Variants in LRFN5 observed in about 807,000 individuals in gnomAD.
The protein encoded by LRFN5 is leucine rich repeat and fibronectin type III domain containing 5, also known as leucine-rich repeat and fibronectin type-III domain-containing protein 5.
LRFN5 carries 24 observed loss-of-function variants against 45.6 expected under a neutral mutation model. That is an observed-to-expected ratio of 0.53 (90% CI 0.38 to 0.74). The LOEUF is 0.74. Among genes scored for constraint, LRFN5 ranks in the 30% least tolerant of loss-of-function variants. The pLI, the probability that LRFN5 is intolerant of heterozygous loss-of-function variation, is 0.00. For synonymous variants in LRFN5, 340 were observed against 313.8 expected, an observed-to-expected ratio of 1.08 and a Z score of -0.88; for missense variants, 776 against 861.5, an observed-to-expected ratio of 0.90 and a Z score of 1.24.
intron 1 of LRFN5, among the ~76,000 whole-genome samples, chr14:41,754,371 T>G: frequency 6.6e-6 from 1 of 152,170 alleles, no homozygotes; most frequent in Admixed American, 6.5e-5. Flanking sequence ...CTGGTAGAAT[T>G]CGGCTGTGAA....
intron 1 of LRFN5, among the ~76,000 whole-genome samples, chr14:41,758,730 C>G (rs12434840): frequency 0.23 from 34,836 of 152,076 alleles, 4,976 homozygotes; most frequent in East Asian, 0.73. Flanking sequence ...TTATACATGA[C>G]TGTTTATAAT....
intron 1 of LRFN5, among the ~76,000 whole-genome samples, chr14:41,620,157 C>T (rs576100427): frequency 6.6e-6 from 1 of 151,948 alleles, no homozygotes; most frequent in Admixed American, 6.6e-5. Context: ...CTTATAAAAC[C>T]ATATCAAGGC....
intron 1 of LRFN5, among the ~76,000 whole-genome samples, chr14:41,703,443 T>G (rs1381829134): frequency 6.6e-6 from 1 of 151,956 alleles, no homozygotes; most frequent in Admixed American, 6.6e-5. Context: ...GCATTAATTA[T>G]TCCATTCTGA....
chr14:41,669,296 GA>G (rs958499233), intron 1 of LRFN5, among the ~76,000 whole-genome samples: 20 of 144,120 alleles, frequency 1.4e-4, no homozygotes, highest in East Asian at 4.0e-4. Context: ...AATCTGTCCA[GA>G]AAAAAAAAAT....
intron 2 of LRFN5, among the ~76,000 whole-genome samples, chr14:41,834,017 G>C (rs780559785): frequency 2.6e-5 from 4 of 152,100 alleles, no homozygotes; most frequent in Non-Finnish European, 5.9e-5. Context: ...TTAGTGCAGT[G>C]GTGTCCTGCT....
chr14:41,818,428 A>G (rs1185168296), intron 2 of LRFN5, among the ~76,000 whole-genome samples: 1 of 152,092 alleles, frequency 6.6e-6, no homozygotes, highest in Non-Finnish European at 1.5e-5. Context: ...ACCATTAACC[A>G]AACTTTATTT....
At chr14:41,734,298 A>C (rs1884312249) in intron 1 of LRFN5, among the ~76,000 whole-genome samples, 1 of 118,616 alleles carries the variant, frequency 8.4e-6, no homozygotes, top group African/African-American at 2.9e-5. Context: ...GGCGTGAGCC[A>C]CCTTTCCTGG....
rs745749776 is a variant in LRFN5 at position 41,887,206 on chromosome 14, T to C, written c.581T>C (p.Leu194Ser). 1 of 1,614,172 alleles carries C rather than the reference T, an allele frequency of 6.2e-7. No homozygotes were observed. Among genetic ancestry groups the C allele is most frequent in the South Asian group, 1.1e-5 (1 of 91,076 alleles). The change falls in exon 3 of 6, where the codon TTG becomes TCG. Residue 194 changes from leucine to serine, a missense_variant. Coordinates refer to ENST00000298119, the MANE Select transcript of LRFN5 (RefSeq NM_152447.5). This position sits in a 1 kb window ranked among gnomAD's most constrained non-coding sequence, Gnocchi z 4.8. ...DNIPKGTFSHLHKMTRLDVTS... is the reference protein window; with the variant it reads ...DNIPKGTFSHSHKMTRLDVTS... ...ATTCCTAAGGGGACCTTCTCCCATTTGCACAAGATGACTCGGTTAGATGTG... is the reference window on the plus strand; with the variant it reads ...ATTCCTAAGGGGACCTTCTCCCATTCGCACAAGATGACTCGGTTAGATGTG...
Position 41,904,246 on chromosome 14 carries a change from T to C in LRFN5, c.*71T>C, listed in dbSNP as rs550625252. On this transcript the variant is annotated 3_prime_UTR_variant, in exon 6 of 6. Transcript: ENST00000298119. ...ATTTTTACTGGATAAAATTCAAAAA[T>C]GTTTCAATTCACAAAGGCTAATTGT... is the stretch of plus-strand genomic sequence containing the variant. 6.7e-5 allele frequency: 105 copies of C among 1,561,752 alleles called. No homozygotes were observed. The South Asian group carries it at 1.1e-3, about 17-fold the overall frequency.
chr14:41,832,602 A>G (rs761754281), intron 2 of LRFN5, among the ~76,000 whole-genome samples: 13 of 152,120 alleles, frequency 8.5e-5, no homozygotes, highest in Non-Finnish European at 1.3e-4. Context: ...CCTTTGCACA[A>G]CATGACTCCT....
intron 2 of LRFN5, among the ~76,000 whole-genome samples, chr14:41,874,974 A>C (rs906017044): frequency 4.6e-5 from 7 of 152,042 alleles, no homozygotes; most frequent in Admixed American, 3.3e-4. Flanking sequence ...GAGGGTAACC[A>C]CCCCTATGAT....
At chr14:41,853,883 A>G (rs1278587974) in intron 2 of LRFN5, among the ~76,000 whole-genome samples, 1 of 152,124 alleles carries the variant, frequency 6.6e-6, no homozygotes, top group East Asian at 1.9e-4. Flanking sequence ...AACAGCAGTC[A>G]TAGCAACAAC....
chr14:41,817,598 G>T (rs1887966303), intron 2 of LRFN5, among the ~76,000 whole-genome samples: 1 of 152,112 alleles, frequency 6.6e-6, no homozygotes, highest in African/African-American at 2.4e-5. Flanking sequence ...AGACTCTGAT[G>T]AAACTTAGAG....
chr14:41,697,079 T>C (rs1378087961), intron 1 of LRFN5, among the ~76,000 whole-genome samples: 1 of 152,004 alleles, frequency 6.6e-6, no homozygotes, highest in Non-Finnish European at 1.5e-5. Context: ...ATGAGAGTTA[T>C]GATAACCTCC....
intron 1 of LRFN5, among the ~76,000 whole-genome samples, chr14:41,657,716 T>C (rs1050683431): frequency 6.6e-6 from 1 of 151,998 alleles, no homozygotes; most frequent in Admixed American, 6.6e-5. Flanking sequence ...ATACCCATAG[T>C]CATTTTTAAA....
At chr14:41,899,411 T>C (rs1208375077) in intron 5 of LRFN5, among the ~76,000 whole-genome samples, 10 of 152,182 alleles carry the variant, frequency 6.6e-5, no homozygotes, top group African/African-American at 2.4e-4. Context: ...CACTGTTATC[T>C]AAAATGAATG....
intron 1 of LRFN5, among the ~76,000 whole-genome samples, chr14:41,690,224 G>A (rs962902777): frequency 2.0e-5 from 3 of 152,110 alleles, no homozygotes; most frequent in Admixed American, 1.3e-4. Flanking sequence ...GAAAAAAAAG[G>A]CCATCTCAAT....
intron 1 of LRFN5, among the ~76,000 whole-genome samples, chr14:41,633,343 A>G (rs986683221): frequency 4.6e-5 from 7 of 152,150 alleles, no homozygotes; most frequent in African/African-American, 7.2e-5. Flanking sequence ...TAATTCTTCA[A>G]TTTTGTGACT....
At position 41,681,796 on chromosome 14, in the gene LRFN5, TTTTA is replaced by T. The variant is rs34192648; in HGVS notation, c.-197+73262_-197+73265del. On this transcript the variant is annotated intron_variant, in intron 1 of 5. Coordinates refer to ENST00000298119, the MANE Select transcript of LRFN5 (RefSeq NM_152447.5). ...TAAACTACTCTTTTATTTTATTTTA[TTTTA>T]TTTATTTATTTATTTATTTATTTAT... 7.3e-3 allele frequency among the ~76,000 whole-genome samples: 720 copies of T among 98,900 alleles called. 1 individual carries two copies. The highest frequency in any genetic ancestry group is 0.029 in the African/African-American group (649 of 22,010). The allele number at this position is 98,900 out of a possible 152,430, so 64.9% of individuals were successfully genotyped here.
Sources: allele counts gnomAD v4.1 joint callset (sites outside exome capture counted in the v4.1 genomes callset), GRCh38; gene constraint gnomAD v4.1.1; non-coding constraint Gnocchi (gnomAD v3.1); transcripts MANE v1.5; gene names NCBI Gene and HGNC (gene_info 2026-07-23, HGNC 2026-07-21).